The following DIS3L2 variants were observed in gnomAD, a reference collection of about 807,000 sequenced individuals.
DIS3L2 encodes the protein DIS3-like exonuclease 2.
DIS3L2 carries 34 observed loss-of-function variants against 97.5 expected under a neutral mutation model. That is an observed-to-expected ratio of 0.35 (90% CI 0.27 to 0.46). The LOEUF is 0.46. Ranked by LOEUF, DIS3L2 falls within the 20% of genes least tolerant of loss-of-function variation. The pLI is 1.00. For missense variants in DIS3L2, 1,038 were observed against 1,146.0 expected, an observed-to-expected ratio of 0.91 and a Z score of 1.36; for synonymous variants, 435 against 445.2, an observed-to-expected ratio of 0.98 and a Z score of 0.29.
At chr2:231,964,126 T>C (rs1416840188) in intron 1 of DIS3L2, among the ~76,000 whole-genome samples, 2 of 152,218 alleles carry the variant, frequency 1.3e-5, no homozygotes, top group Non-Finnish European at 1.5e-5. Flanking sequence ...ATTTATTGAA[T>C]AGGGAGTCCC....
chr2:232,086,637 A>ATATATGTG (rs1696644351), intron 5 of DIS3L2, among the ~76,000 whole-genome samples: 1 of 50,884 alleles, frequency 2.0e-5, no homozygotes, highest in Non-Finnish European at 3.7e-5. Flanking sequence ...ATACACATAT[A>ATATATGTG]TATATATGTA....
chr2:232,337,798 C>G (rs796968744), downstream of DIS3L2, among the ~76,000 whole-genome samples: 42 of 151,738 alleles, frequency 2.8e-4, no homozygotes, highest in African/African-American at 9.7e-4. Context: ...GTCAGAGTGC[C>G]TCGCAGCGAC....
chr2:232,195,915 G>A (rs1314378710), intron 9 of DIS3L2, among the ~76,000 whole-genome samples: 1 of 152,128 alleles, frequency 6.6e-6, no homozygotes, highest in Non-Finnish European at 1.5e-5. Context: ...CAAGGGGGGA[G>A]TTTGTTTTGG....
intron 6 of DIS3L2, among the ~76,000 whole-genome samples, chr2:232,105,820 G>T (rs891959774): frequency 2.4e-4 from 36 of 152,200 alleles, no homozygotes; most frequent in Admixed American, 2.0e-3. Flanking sequence ...ATGTGTGCCT[G>T]TCCTTCTCCT....
intron 3 of DIS3L2, among the ~76,000 whole-genome samples, chr2:232,016,314 G>C (rs1242520588): frequency 6.6e-6 from 1 of 152,192 alleles, no homozygotes; most frequent in Non-Finnish European, 1.5e-5. Context: ...GTGCAGCATG[G>C]GTGCCTTTGA....
At chr2:232,336,393 G>T (rs772960462) in intron 20 of DIS3L2, 76 bp from the exon 21 acceptor site, 2 of 1,553,436 alleles carry the variant, frequency 1.3e-6, no homozygotes, top group Admixed American at 3.9e-5. Flanking sequence ...GGGTCCTGCT[G>T]CAGGGATGGA....
chr2:232,095,149 A>G (rs1696969201), intron 6 of DIS3L2, among the ~76,000 whole-genome samples: 1 of 152,186 alleles, frequency 6.6e-6, no homozygotes. Context: ...GTCCAGTTAC[A>G]TTCAGTGTTA....
At chr2:231,989,241 C>T (rs1474023861) in intron 1 of DIS3L2, among the ~76,000 whole-genome samples, 1 of 151,902 alleles carries the variant, frequency 6.6e-6, no homozygotes. Flanking sequence ...AGTAAAGGCC[C>T]TAAGTGATAG....
chr2:232,066,015 T>G (rs1695846804), intron 5 of DIS3L2, among the ~76,000 whole-genome samples: 1 of 151,940 alleles, frequency 6.6e-6, no homozygotes. Flanking sequence ...ATATATTTTT[T>G]ATAATGTCCT....
intron 10 of DIS3L2, among the ~76,000 whole-genome samples, chr2:232,226,830 A>G (rs916862530): frequency 6.6e-6 from 1 of 152,140 alleles, no homozygotes; most frequent in Admixed American, 6.5e-5. Flanking sequence ...TTAGCTGAGC[A>G]TGATGGTGCT....
At chr2:232,148,574 A>T (rs1690292863) in intron 8 of DIS3L2, among the ~76,000 whole-genome samples, 1 of 152,156 alleles carries the variant, frequency 6.6e-6, no homozygotes, top group African/African-American at 2.4e-5. Flanking sequence ...GGAGTCATTG[A>T]TCACATTTGG....
At chr2:232,193,659 T>A (rs1308300148) in intron 9 of DIS3L2, among the ~76,000 whole-genome samples, 1 of 152,216 alleles carries the variant, frequency 6.6e-6, no homozygotes, top group African/African-American at 2.4e-5. Context: ...ATATTCATAA[T>A]CCAAAGGACT....
intron 8 of DIS3L2, among the ~76,000 whole-genome samples, chr2:232,144,078 C>A (rs1690148951): frequency 6.6e-6 from 1 of 151,968 alleles, no homozygotes; most frequent in Non-Finnish European, 1.5e-5. Context: ...CTGAAATATA[C>A]CATAATTTAG....
intron 6 of DIS3L2, among the ~76,000 whole-genome samples, chr2:232,099,756 C>T (rs1697138380): frequency 6.6e-6 from 1 of 152,142 alleles, no homozygotes; most frequent in Non-Finnish European, 1.5e-5. Flanking sequence ...CCCTATTATA[C>T]TAATTGGTCT....
intron 6 of DIS3L2, among the ~76,000 whole-genome samples, chr2:232,098,363 T>C (rs575275411): frequency 6.6e-5 from 10 of 151,384 alleles, no homozygotes; most frequent in African/African-American, 2.4e-4. Context: ...TAATTTTTTT[T>C]TTTTTTTTTG....
Position 232,077,090 on chromosome 2 carries a change from C to T in DIS3L2, c.367-10397C>T, listed in dbSNP as rs140751826. Among the ~76,000 whole-genome samples the T allele has an allele frequency of 2.7e-3, 418 of 152,244 alleles. 3 individuals are homozygous for T. The highest frequency in any genetic ancestry group is 9.5e-3 in the African/African-American group (393 of 41,544). ...TAGTTCTGTTCCTTTAAGTGGAGAG[C>T]CTCTCATAGCTGCCCCTCAGTTTCA... On this transcript the variant is annotated intron_variant, in intron 5 of 20. Transcript: ENST00000325385.
rs144901285 is a variant in DIS3L2 at position 232,113,381 on chromosome 2, G to A, written c.602-17238G>A. On this transcript the variant is annotated intron_variant, in intron 6 of 20. Transcript: ENST00000325385. ...TTTATAGTATGCTGTTCCCTTATGCGGTACTAAAACTATAGGTGACAGTAC... is the reference window on the plus strand; with the variant it reads ...TTTATAGTATGCTGTTCCCTTATGCAGTACTAAAACTATAGGTGACAGTAC... Among the ~76,000 whole-genome samples, 41 of 152,168 alleles carry A rather than the reference G, an allele frequency of 2.7e-4. No individual in the cohort carries two copies. The East Asian group carries it at 6.2e-3, about 23-fold the overall frequency.
chr2:232,098,630 A>C (rs957907719), intron 6 of DIS3L2, among the ~76,000 whole-genome samples: 4 of 152,208 alleles, frequency 2.6e-5, no homozygotes, highest in Non-Finnish European at 4.4e-5. Context: ...CTGGGATTAC[A>C]GGTGTGAGTC....
chr2:232,184,380 C>G (rs1691377180), intron 9 of DIS3L2, among the ~76,000 whole-genome samples: 1 of 152,186 alleles, frequency 6.6e-6, no homozygotes, highest in Admixed American at 6.5e-5. Flanking sequence ...GGGTGCGTGG[C>G]TCATACCTGT....
Sources: gnomAD v4.1 joint callset for allele counts (sites outside exome capture counted in the v4.1 genomes callset) on GRCh38, gnomAD v4.1.1 for gene constraint, MANE v1.5 for transcripts, NCBI Gene and HGNC (gene_info 2026-07-23, HGNC 2026-07-21) for gene names.